ATP6V1B2: variants seen among roughly 807,000 people sequenced by gnomAD.
ATP6V1B2 encodes V-type proton ATPase subunit B, brain isoform.
A neutral mutation model predicts 66.7 loss-of-function variants in ATP6V1B2; 23 were observed. The ratio of observed to expected loss-of-function variants is 0.34; its 90% CI spans 0.25 to 0.49. The LOEUF (loss-of-function observed/expected upper bound fraction) is 0.49, where lower values mean the gene tolerates loss of function less well. ATP6V1B2 is among the 20% of genes least tolerant of loss of function. The pLI is 0.99. For synonymous variants in ATP6V1B2, 278 were observed against 236.7 expected (o/e 1.17, Z -1.60); for missense variants, 478 against 650.8 (o/e 0.73, Z 2.89).
At chr8:20,209,978 G>A (rs1585250101) in intron 3 of ATP6V1B2, among the ~76,000 whole-genome samples, 1 of 151,522 alleles carries the variant, frequency 6.6e-6, no homozygotes, top group African/African-American at 2.4e-5. Context: ...AGAGAGTAAA[G>A]CTTTTAGGCT....
chr8:20,198,363 T>A (rs796818003), intron 1 of ATP6V1B2, among the ~76,000 whole-genome samples: 10 of 152,360 alleles, frequency 6.6e-5, no homozygotes, highest in African/African-American at 2.4e-4. Flanking sequence ...CCAGGTGGCT[T>A]TGCCCATAGG....
intron 1 of ATP6V1B2, chr8:20,203,885 G>A: frequency 2.4e-6 from 1 of 425,246 alleles, no homozygotes; most frequent in South Asian, 1.7e-5. Context: ...TCTTTCCATT[G>A]CCTACTCCGT....
intron 1 of ATP6V1B2, among the ~76,000 whole-genome samples, chr8:20,198,544 A>G (rs2072651809): frequency 1.3e-5 from 2 of 152,346 alleles, no homozygotes; most frequent in Admixed American, 6.5e-5. Flanking sequence ...GGAACTGGCA[A>G]TGAGCCCTCG....
At chr8:20,216,530 A>C in intron 11 of ATP6V1B2, 35 bp downstream of exon 11, 1 of 1,565,048 alleles carries the variant, frequency 6.4e-7, no homozygotes, top group Non-Finnish European at 8.8e-7. Context: ...AAGCTTGCAG[A>C]CCTGCTCATC....
intron 1 of ATP6V1B2, among the ~76,000 whole-genome samples, chr8:20,198,081 G>T (rs1322190804): frequency 6.6e-6 from 1 of 152,170 alleles, no homozygotes; most frequent in Non-Finnish European, 1.5e-5. Flanking sequence ...TTGGTGGAGG[G>T]GCTGCTCCGC....
At position 20,216,643 on chromosome 8, in the gene ATP6V1B2, T is replaced by C. The variant is rs1330208521; in HGVS notation, c.1161+148T>C. 2 of 662,386 alleles carry C rather than the reference T, an allele frequency of 3.0e-6. 1 individual carries two copies. Among genetic ancestry groups the C allele is most frequent in the African/African-American group, 3.7e-5 (2 of 54,452 alleles). The allele number at this position is 662,386 out of a possible 1,614,324, so 41.0% of individuals were successfully genotyped here. The stretch of plus-strand genomic sequence containing the variant: ...ATGGTTATAAAATTGTCATTTCTAT[T>C]ATCTTAAATTCTGGTGTCGGCAGAG... On this transcript the variant is annotated intron_variant, in intron 11 of 13. Coordinates refer to ENST00000276390, the MANE Select transcript of ATP6V1B2 (RefSeq NM_001693.4).
At chr8:20,210,310 A>T (rs2072780085) in intron 3 of ATP6V1B2, 36 bp from the exon 4 acceptor site, 4 of 1,547,440 alleles carry the variant, frequency 2.6e-6, no homozygotes, top group Non-Finnish European at 3.5e-6. Flanking sequence ...GATCTAAATT[A>T]CTTCTACCCT....
intron 9 of ATP6V1B2, 51 bp from the exon 10 acceptor site, chr8:20,214,767 A>C: frequency 1.3e-6 from 2 of 1,512,840 alleles, no homozygotes; most frequent in South Asian, 2.6e-5. Context: ...TGTTGTAAGC[A>C]AGCTTGTTGT....
intron 13 of ATP6V1B2, among the ~76,000 whole-genome samples, chr8:20,219,780 G>C (rs1330930098): frequency 6.6e-6 from 1 of 152,074 alleles, no homozygotes; most frequent in Admixed American, 6.6e-5. Flanking sequence ...TAACAACTTG[G>C]GAAACCACTG....
intron 9 of ATP6V1B2, 148 bp from the exon 10 acceptor site, chr8:20,214,670 G>A: frequency 1.1e-6 from 1 of 893,414 alleles, no homozygotes; most frequent in Non-Finnish European, 1.5e-6. Context: ...GTTGCCGGGA[G>A]ATTTTTCTAA....
chr8:20,207,712 C>G (rs1259955190), intron 2 of ATP6V1B2, among the ~76,000 whole-genome samples: 3 of 149,256 alleles, frequency 2.0e-5, no homozygotes, highest in African/African-American at 7.4e-5. Context: ...TATCCTAAAA[C>G]TTAAAGTATA....
At chr8:20,197,711 A>G (rs765978755) in intron 1 of ATP6V1B2, among the ~76,000 whole-genome samples, 169 bp downstream of exon 1, 24 of 152,050 alleles carry the variant, frequency 1.6e-4, no homozygotes, top group Non-Finnish European at 2.9e-5. Context: ...GCCTGTACCT[A>G]ATATTTCCAG....
Position 20,197,504 on chromosome 8 carries a change from T to C in ATP6V1B2, c.98T>C (p.Leu33Pro). The part of the protein sequence containing the change: ...GPAVGAREQA[L>P]AVSRNYLSQP... ...GCGGTGGGAGCTCGGGAGCAGGCGC[T>C]GGCAGTCAGTCGGAACTACCTCTCC... The change falls in exon 1 of 14, where the codon CTG becomes CCG. Residue 33 changes from leucine (L) to proline (P), a missense_variant. Leu to Pro is a moderately conservative substitution (Grantham distance 98, BLOSUM62 -3). Transcript: ENST00000276390. 1.3e-6 allele frequency: 2 copies of C among 1,488,798 alleles called. No homozygotes were observed. Among genetic ancestry groups the C allele is most frequent in the African/African-American group, 1.5e-5 (1 of 68,692 alleles). The allele number at this position is 1,488,798 out of a possible 1,614,324, so 92.2% of individuals were successfully genotyped here.
At chr8:20,202,138 A>T (rs2072694226) in intron 1 of ATP6V1B2, among the ~76,000 whole-genome samples, 2 of 152,154 alleles carry the variant, frequency 1.3e-5, no homozygotes, top group Non-Finnish European at 2.9e-5. Flanking sequence ...TGTTTTGCAT[A>T]CCTAAAATTG....
At chr8:20,199,670 G>C (rs2072664882) in intron 1 of ATP6V1B2, among the ~76,000 whole-genome samples, 1 of 147,110 alleles carries the variant, frequency 6.8e-6, no homozygotes, top group Admixed American at 6.9e-5. Flanking sequence ...GTGCAGAGTG[G>C]CGCGATCTAG....
chr8:20,217,405 C>T, intron 12 of ATP6V1B2, 81 bp downstream of exon 12: 1 of 1,212,386 alleles, frequency 8.2e-7, no homozygotes. Flanking sequence ...TTCACCCTTA[C>T]CACTTCTCTC....
chr8:20,209,223 T>A (rs935578268), intron 2 of ATP6V1B2, among the ~76,000 whole-genome samples: 2 of 152,216 alleles, frequency 1.3e-5, no homozygotes, highest in Admixed American at 1.3e-4. Context: ...CTTCTGTACC[T>A]TATGCTTTGT....
rs375579472 is a variant in ATP6V1B2 at position 20,197,433 on chromosome 8, T to C, written c.27T>C (p.Ile9=). MALRAMRG[I]VNGAAPELPV... ...TGGCGCTGCGGGCGATGCGGGGGAT[T>C]GTCAACGGGGCCGCACCCGAGCTAC... is the stretch of plus-strand genomic sequence containing the variant. Residue 9 remains isoleucine (I), a synonymous_variant, in exon 1 of 14, where the codon ATT becomes ATC. Coordinates refer to ENST00000276390, the MANE Select transcript of ATP6V1B2 (RefSeq NM_001693.4). 54 of 1,545,182 alleles carry C rather than the reference T, an allele frequency of 3.5e-5. No homozygotes were observed. The highest frequency in any genetic ancestry group is 4.4e-5 in the Non-Finnish European group (51 of 1,146,994).
At position 20,218,185 on chromosome 8, in the gene ATP6V1B2, A is replaced by G. The variant is rs899295339; in HGVS notation, c.1299A>G (p.Gln433=). Reference sequence around the variant, plus strand: ...GCTATGCTATTGGAAAGGATGTGCAAGCCATGAAAGCTGTCGTTGGAGAAG... The same window carrying G: ...GCTATGCTATTGGAAAGGATGTGCAGGCCATGAAAGCTGTCGTTGGAGAAG... ...YACYAIGKDV[Q]AMKAVVGEEA... Residue 433 remains glutamine, a synonymous_variant, in exon 13 of 14, where the codon CAA becomes CAG. Coordinates refer to ENST00000276390, the MANE Select transcript of ATP6V1B2 (RefSeq NM_001693.4). The G allele has an allele frequency of 1.2e-6, 2 of 1,613,264 alleles. No homozygotes were observed. The highest frequency in any genetic ancestry group is 2.7e-5 in the African/African-American group (2 of 74,868).
Sources: gnomAD v4.1 joint callset for allele counts (sites outside exome capture counted in the v4.1 genomes callset) on GRCh38, gnomAD v4.1.1 for gene constraint, MANE v1.5 for transcripts, NCBI Gene and HGNC (gene_info 2026-07-23, HGNC 2026-07-21) for gene names.